The following HCN1 variants were observed in gnomAD, a reference collection of about 807,000 sequenced individuals.
HCN1 encodes potassium/sodium hyperpolarization-activated cyclic nucleotide-gated channel 1.
A neutral mutation model predicts 78.9 loss-of-function variants in HCN1; 13 were observed. The observed-to-expected ratio is 0.16, with a 90% CI of 0.11 to 0.26. HCN1 has a LOEUF of 0.26. Ranked by LOEUF, HCN1 falls within the 10% of genes least tolerant of loss-of-function variation. The pLI is 1.00. For missense variants in HCN1, 810 were observed against 1,154.3 expected, an observed-to-expected ratio of 0.70 and a Z score of 4.32; for synonymous variants, 552 against 455.5, an observed-to-expected ratio of 1.21 and a Z score of -2.70.
chr5:45,365,102 GC>G (rs1747206860), intron 4 of HCN1, among the ~76,000 whole-genome samples: 1 of 151,920 alleles, frequency 6.6e-6, no homozygotes, highest in South Asian at 2.1e-4. Context: ...TCAAGAACAA[GC>G]TTTGAAGTCC....
At chr5:45,564,800 C>A (rs1281358800) in intron 2 of HCN1, among the ~76,000 whole-genome samples, 1 of 152,066 alleles carries the variant, frequency 6.6e-6, no homozygotes, top group African/African-American at 2.4e-5. Flanking sequence ...GAGTAGCTGG[C>A]AGCCTGAATT....
At chr5:45,374,073 T>G (rs1452360682) in intron 4 of HCN1, among the ~76,000 whole-genome samples, 1 of 108,294 alleles carries the variant, frequency 9.2e-6, no homozygotes, top group African/African-American at 3.6e-5. Context: ...ATAATATATA[T>G]AATATCTATT....
chr5:45,374,769 A>AAT (rs34778089), intron 4 of HCN1, among the ~76,000 whole-genome samples: 1 of 143,260 alleles, frequency 7.0e-6, no homozygotes, highest in African/African-American at 2.6e-5. Context: ...AAATACTATG[A>AAT]ATATATATAT....
chr5:45,608,474 G>A (rs970144014), intron 2 of HCN1, among the ~76,000 whole-genome samples: 2 of 151,334 alleles, frequency 1.3e-5, no homozygotes, highest in African/African-American at 4.9e-5. Flanking sequence ...TAAATGAGAG[G>A]AATTGAGCAG....
At chr5:45,612,801 G>A (rs1744864377) in intron 2 of HCN1, among the ~76,000 whole-genome samples, 1 of 152,042 alleles carries the variant, frequency 6.6e-6, no homozygotes, top group Admixed American at 6.6e-5. Context: ...AAAGCTAAAT[G>A]GAAATGACCT....
chr5:45,573,351 C>T (rs1245695085), intron 2 of HCN1, among the ~76,000 whole-genome samples: 1 of 152,066 alleles, frequency 6.6e-6, no homozygotes. Flanking sequence ...GGTATTGTCT[C>T]ATTAGGGAAA....
At chr5:45,528,064 T>C (rs1742775969) in intron 2 of HCN1, among the ~76,000 whole-genome samples, 1 of 151,986 alleles carries the variant, frequency 6.6e-6, no homozygotes. Flanking sequence ...GTTACTCTGG[T>C]GTCTTAATCT....
At chr5:45,528,929 C>G (rs1036465057) in intron 2 of HCN1, among the ~76,000 whole-genome samples, 2 of 151,882 alleles carry the variant, frequency 1.3e-5, no homozygotes, top group Non-Finnish European at 2.9e-5. Flanking sequence ...AGTGAAGTTG[C>G]CCTTAGCTTT....
intron 6 of HCN1, among the ~76,000 whole-genome samples, chr5:45,291,793 G>T (rs1044802021): frequency 6.6e-6 from 1 of 152,006 alleles, no homozygotes; most frequent in African/African-American, 2.4e-5. Flanking sequence ...GTACCCCAAA[G>T]TGCCGGGAAT....
chr5:45,695,964 C>A lies in HCN1; in HGVS notation c.130G>T (p.Gly44Trp), dbSNP rs1421975269. The change falls in exon 1 of 8, where the codon GGG (glycine) becomes TGG (tryptophan). Residue 44 changes from glycine (G) to tryptophan (W), a missense_variant. This residue lies in a region of HCN1 where 170 missense variants were observed against 166.8 expected (regional missense o/e 1.02). Transcript: ENST00000303230. Reference protein sequence around the residue: ...AAEKRLGTPPGGGGAGAKEHG... With the variant: ...AAEKRLGTPPWGGGAGAKEHG... ...TCCTTCGCGCCGGCCCCGCCGCCCC[C>A]CGGCGGGGTGCCCAGGCGCTTCTCG... The A allele has an allele frequency of 7.5e-7, 1 of 1,324,930 alleles. No homozygotes were observed. Among genetic ancestry groups the A allele is most frequent in the Non-Finnish European group, 9.6e-7 (1 of 1,045,268 alleles). The allele number at this position is 1,324,930 out of a possible 1,614,324, so 82.1% of individuals were successfully genotyped here. A position where few individuals can be genotyped will look rare whatever the true frequency, so the allele number is the denominator to read the frequency against.
intron 3 of HCN1, among the ~76,000 whole-genome samples, chr5:45,432,594 C>T (rs932073118): frequency 1.3e-5 from 2 of 152,062 alleles, no homozygotes; most frequent in Admixed American, 6.6e-5. Context: ...CAGCTTTTGC[C>T]CATTCAGTAT....
At chr5:45,528,106 C>A (rs1742776759) in intron 2 of HCN1, among the ~76,000 whole-genome samples, 1 of 151,996 alleles carries the variant, frequency 6.6e-6, no homozygotes, top group Admixed American at 6.6e-5. Flanking sequence ...CAATGAAAAT[C>A]TTTATTCTCA....
Position 45,462,014 on chromosome 5 carries a change from AC to A in HCN1, c.850-8del. 1 of 1,610,500 alleles carries A rather than the reference AC, an allele frequency of 6.2e-7. No homozygotes were observed. The highest frequency in any genetic ancestry group is 8.5e-7 in the Non-Finnish European group (1 of 1,177,590). On this transcript the variant is annotated splice_region_variant and splice_polypyrimidine_tract_variant and intron_variant, in intron 2 of 7. Transcript: ENST00000303230. ...CATATGTCATGTGGAATATCTGTTG[AC>A]CAAAATATAAAATCAATTCTTATAA...
At chr5:45,356,588 G>T (rs1477808967) in intron 4 of HCN1, among the ~76,000 whole-genome samples, 5 of 151,846 alleles carry the variant, frequency 3.3e-5, no homozygotes, top group Non-Finnish European at 5.9e-5. Context: ...GTCATAAAAT[G>T]GTGTTTTGCC....
intron 2 of HCN1, among the ~76,000 whole-genome samples, chr5:45,616,033 T>C (rs1744942358): frequency 6.7e-6 from 1 of 149,016 alleles, no homozygotes; most frequent in African/African-American, 2.5e-5. Flanking sequence ...CAAATGAAAA[T>C]GACTAAAAGA....
intron 2 of HCN1, among the ~76,000 whole-genome samples, chr5:45,494,715 G>T (rs539062995): frequency 2.0e-5 from 3 of 152,176 alleles, no homozygotes; most frequent in South Asian, 4.2e-4. Flanking sequence ...TTTTCTTCTA[G>T]GGTTTTTATG....
intron 1 of HCN1, among the ~76,000 whole-genome samples, chr5:45,684,588 C>A (rs1486702253): frequency 2.0e-5 from 3 of 152,274 alleles, no homozygotes; most frequent in East Asian, 1.9e-4. Flanking sequence ...AGGCCAGGCA[C>A]GGTGGCTCAC....
chr5:45,328,056 G>T (rs1435764971), intron 5 of HCN1, among the ~76,000 whole-genome samples: 2 of 151,678 alleles, frequency 1.3e-5, no homozygotes, highest in Non-Finnish European at 3.0e-5. Context: ...AGATGTATCA[G>T]TACAGTAGTC....
At chr5:45,387,721 T>A (rs1747954481) in intron 4 of HCN1, among the ~76,000 whole-genome samples, 1 of 152,124 alleles carries the variant, frequency 6.6e-6, no homozygotes, top group African/African-American at 2.4e-5. Flanking sequence ...CCAGGCCATA[T>A]ACAGTAGTCC....
Sources: allele counts gnomAD v4.1 joint callset (sites outside exome capture counted in the v4.1 genomes callset), GRCh38; gene constraint gnomAD v4.1.1; regional missense constraint gnomAD v4.1.1; transcripts MANE v1.5; gene names NCBI Gene and HGNC (gene_info 2026-07-23, HGNC 2026-07-21).